SYT16: variants seen among roughly 807,000 people sequenced by gnomAD.
SYT16 encodes synaptotagmin-16.
A neutral mutation model predicts 61.4 loss-of-function variants in SYT16; 42 were observed. That is an observed-to-expected ratio of 0.68 (90% confidence interval 0.53 to 0.89). The LOEUF (loss-of-function observed/expected upper bound fraction) is 0.89, where lower values mean the gene tolerates loss of function less well. Among genes scored for constraint, SYT16 ranks in the 40% least tolerant of loss-of-function variants. The pLI is 0.00. For missense variants in SYT16, 804 were observed against 807.3 expected, an observed-to-expected ratio of 1.00 and a Z score of 0.05; for synonymous variants, 314 against 302.3, an observed-to-expected ratio of 1.04 and a Z score of -0.40.
chr14:62,110,705 A>G lies in SYT16; in HGVS notation c.*9998A>G, dbSNP rs1353705047. 1 of 152,066 alleles carries G rather than the reference A, an allele frequency of 6.6e-6. No individual in the cohort carries two copies. The highest frequency in any genetic ancestry group is 2.4e-5 in the African/African-American group (1 of 41,430). 9.4% of individuals were successfully genotyped at this position (152,066 alleles called of 1,614,324 possible). ...AAACACTGATCATGTAACAAACTGC[A>G]AATCCATGTTTTCAGCAGGTTCGCC... On this transcript the variant is annotated 3_prime_UTR_variant, in exon 8 of 8. Transcript: ENST00000683842.
rs77298433 is a variant in SYT16, at chr14:61,907,049, A to G, written c.-324-63083A>G. On this transcript the variant is annotated intron_variant, in intron 1 of 7. Coordinates refer to ENST00000683842, the MANE Select transcript of SYT16 (RefSeq NM_001367656.1). The stretch of plus-strand genomic sequence containing the variant: ...AAAATACATGGAATTTCTGCTCCAA[A>G]AGCCTAGTCGAGGCAGAGACAAGCT... Among the ~76,000 whole-genome samples the G allele has an allele frequency of 6.6e-5, 10 of 152,338 alleles. No homozygotes were observed. The East Asian group carries it at 1.9e-3, about 29-fold the overall frequency.
At chr14:62,091,363 T>C (rs1595393454) in intron 7 of SYT16, among the ~76,000 whole-genome samples, 1 of 152,170 alleles carries the variant, frequency 6.6e-6, no homozygotes, top group East Asian at 1.9e-4. Flanking sequence ...CAATTGAAAT[T>C]AGAAGGAAGT....
chr14:61,908,787 A>G (rs552058913), intron 1 of SYT16, among the ~76,000 whole-genome samples: 10 of 152,176 alleles, frequency 6.6e-5, no homozygotes, highest in African/African-American at 2.4e-4. Context: ...CTGTGGCTCA[A>G]CCAAAAAGCA....
At chr14:61,940,977 CTG>C (rs949046537) in intron 1 of SYT16, among the ~76,000 whole-genome samples, 1 of 152,186 alleles carries the variant, frequency 6.6e-6, no homozygotes, top group African/African-American at 2.4e-5. Context: ...TTAGGGGAGA[CTG>C]TGACATTTGC....
intron 1 of SYT16, among the ~76,000 whole-genome samples, chr14:61,829,446 T>C (rs1594707263): frequency 6.6e-6 from 1 of 152,296 alleles, no homozygotes; most frequent in South Asian, 2.1e-4. Context: ...TAGATTTATG[T>C]CTTTCCCCAA....
chr14:61,911,354 T>A (rs1383518675), intron 1 of SYT16, among the ~76,000 whole-genome samples: 1 of 152,180 alleles, frequency 6.6e-6, no homozygotes, highest in Non-Finnish European at 1.5e-5. Context: ...TTTAAGTATT[T>A]TCTGTCTAAA....
Position 62,026,963 on chromosome 14 carries a change from T to C in SYT16, c.523+30421T>C, listed in dbSNP as rs576471161. 2.6e-5 allele frequency among the ~76,000 whole-genome samples: 4 copies of C among 152,322 alleles called. No homozygotes were observed. The South Asian group carries it at 8.3e-4, about 32-fold the overall frequency. On this transcript the variant is annotated intron_variant, in intron 3 of 7. Coordinates refer to ENST00000683842, the MANE Select transcript of SYT16 (RefSeq NM_001367656.1). ...ATCTTTCAGAGACTTAAAATGTTTT[T>C]TTAATGCATGTCTTAAATGTTTTTT...
intron 1 of SYT16, among the ~76,000 whole-genome samples, chr14:61,939,859 A>G (rs988284691): frequency 8.5e-5 from 13 of 152,152 alleles, no homozygotes; most frequent in African/African-American, 2.2e-4. Context: ...CCTGAGTCCT[A>G]TCTATGGTGA....
At chr14:61,980,741 A>T (rs1488725745) in intron 2 of SYT16, among the ~76,000 whole-genome samples, 2 of 152,198 alleles carry the variant, frequency 1.3e-5, no homozygotes, top group African/African-American at 4.8e-5. Flanking sequence ...ACCAAACGTA[A>T]AGAGGCAAAT....
Position 62,075,155 on chromosome 14 carries a change from C to G in SYT16, c.757C>G (p.Arg253Gly). ...ACEDLDGASQRRYSENLSYGE... is the reference protein window; with the variant it reads ...ACEDLDGASQGRYSENLSYGE... ...TTTAGATTTGGATGGAGCCAGCCAA[C>G]GGCGTTATTCTGAGAATCTCTCCTA... is the stretch of plus-strand genomic sequence containing the variant. Residue 253 changes from arginine (R) to glycine (G), a missense_variant, in exon 5 of 8, where the codon CGG becomes GGG. Physicochemically the swap from Arg to Gly is moderately radical, Grantham distance 125. Transcript: ENST00000683842. 1 of 1,609,766 alleles carries G rather than the reference C, an allele frequency of 6.2e-7. No homozygotes were observed. The highest frequency in any genetic ancestry group is 8.5e-7 in the Non-Finnish European group (1 of 1,177,410).
chr14:61,885,452 A>G (rs1361497515), intron 1 of SYT16, among the ~76,000 whole-genome samples: 4 of 152,222 alleles, frequency 2.6e-5, no homozygotes, highest in Admixed American at 2.6e-4. Context: ...CTCTTGTGGC[A>G]TTCAGGGAAC....
chr14:61,935,380 A>G (rs2049937672), intron 1 of SYT16, among the ~76,000 whole-genome samples: 1 of 152,036 alleles, frequency 6.6e-6, no homozygotes, highest in South Asian at 2.1e-4. Flanking sequence ...TGGTCTTTGC[A>G]TATTTTTTCA....
intron 1 of SYT16, among the ~76,000 whole-genome samples, chr14:61,936,786 G>A (rs549023736): frequency 6.6e-6 from 1 of 152,282 alleles, no homozygotes; most frequent in East Asian, 1.9e-4. Context: ...CACAAGCCCA[G>A]GTACCATCCT....
chr14:61,908,567 G>A (rs2048810678), intron 1 of SYT16, among the ~76,000 whole-genome samples: 1 of 152,134 alleles, frequency 6.6e-6, no homozygotes, highest in Admixed American at 6.5e-5. Flanking sequence ...TAAGTGGACG[G>A]TTTTGTTTCC....
chr14:61,877,005 G>A (rs772155771), intron 1 of SYT16, among the ~76,000 whole-genome samples: 1 of 152,130 alleles, frequency 6.6e-6, no homozygotes, highest in African/African-American at 2.4e-5. Context: ...TCTCCTCCTG[G>A]CAGGGGTTGT....
intron 1 of SYT16, among the ~76,000 whole-genome samples, chr14:61,902,100 T>C (rs1015198563): frequency 6.6e-6 from 1 of 152,180 alleles, no homozygotes; most frequent in African/African-American, 2.4e-5. Context: ...TTACCTGCTG[T>C]GCCAACATAA....
At chr14:62,046,332 C>A (rs1456092887) in intron 3 of SYT16, among the ~76,000 whole-genome samples, 6 of 151,908 alleles carry the variant, frequency 3.9e-5, no homozygotes, top group Admixed American at 6.6e-5. Flanking sequence ...TGTTTGAGTT[C>A]ATTGTAGATT....
intron 5 of SYT16, among the ~76,000 whole-genome samples, chr14:62,078,155 C>CTCTATATATATATATATATATA (rs766089633): frequency 7.4e-6 from 1 of 135,936 alleles, no homozygotes; most frequent in African/African-American, 2.9e-5. Flanking sequence ...CTCTCTCTCT[C>CTCTATATATATATATATATATA]TATATATATA....
intron 1 of SYT16, among the ~76,000 whole-genome samples, chr14:61,948,587 G>C (rs558042243): frequency 9.9e-5 from 15 of 152,280 alleles, no homozygotes; most frequent in African/African-American, 3.6e-4. Context: ...AGCGAGTGAA[G>C]TCCCAGGCTT....
Sources: gnomAD v4.1 joint callset for allele counts (sites outside exome capture counted in the v4.1 genomes callset) on GRCh38, gnomAD v4.1.1 for gene constraint, MANE v1.5 for transcripts, NCBI Gene and HGNC (gene_info 2026-07-23, HGNC 2026-07-21) for gene names.